The following NBEA variants were observed in gnomAD, a reference collection of about 807,000 sequenced individuals.
NBEA encodes the protein neurobeachin.
NBEA carries 44 observed loss-of-function variants against 343.4 expected under a neutral mutation model. The observed-to-expected ratio is 0.13, with a 90% CI of 0.10 to 0.16. The LOEUF (loss-of-function observed/expected upper bound fraction) is 0.16. Ranked by LOEUF, NBEA falls within the 10% of genes least tolerant of loss-of-function variation. The pLI is 1.00. For missense variants in NBEA, 2,555 were observed against 3,631.3 expected, an observed-to-expected ratio of 0.70 and a Z score of 7.62; for synonymous variants, 1,175 against 1,238.7, an observed-to-expected ratio of 0.95 and a Z score of 1.08.
At chr13:35,233,276 G>A (rs1014246389) in intron 34 of NBEA, among the ~76,000 whole-genome samples, 1 of 152,118 alleles carries the variant, frequency 6.6e-6, no homozygotes, top group Admixed American at 6.5e-5. Context: ...TTTAGATGCT[G>A]TTTCAGGTAG....
At chr13:35,368,063 G>A (rs2152880587) in intron 38 of NBEA, among the ~76,000 whole-genome samples, 1 of 151,564 alleles carries the variant, frequency 6.6e-6, no homozygotes, top group Non-Finnish European at 1.5e-5. Context: ...AATGCTTCCA[G>A]GGGCACTTAA....
chr13:35,243,553 A>C (rs1035359488), intron 34 of NBEA, among the ~76,000 whole-genome samples: 1 of 151,932 alleles, frequency 6.6e-6, no homozygotes, highest in Non-Finnish European at 1.5e-5. Context: ...ATAGAAGTTT[A>C]AAGTGAAAGA....
At chr13:35,329,168 G>T (rs2152846609) in intron 36 of NBEA, among the ~76,000 whole-genome samples, 1 of 152,022 alleles carries the variant, frequency 6.6e-6, no homozygotes, top group African/African-American at 2.4e-5. Context: ...TTGCTGTAAT[G>T]GGAATAAATA....
intron 38 of NBEA, among the ~76,000 whole-genome samples, chr13:35,394,255 A>G (rs778139005): frequency 2.0e-5 from 3 of 152,142 alleles, no homozygotes; most frequent in Non-Finnish European, 4.4e-5. Flanking sequence ...ACGTTTATGT[A>G]TTTCTTTACC....
At chr13:35,296,462 G>GA (rs1021028755) in intron 35 of NBEA, among the ~76,000 whole-genome samples, 2 of 151,700 alleles carry the variant, frequency 1.3e-5, no homozygotes, top group Admixed American at 6.6e-5. Context: ...AAAATTGAGG[G>GA]AAAAAAGAAA....
intron 38 of NBEA, among the ~76,000 whole-genome samples, chr13:35,357,681 T>C (rs533014879): frequency 3.1e-4 from 47 of 152,332 alleles, no homozygotes; most frequent in South Asian, 6.2e-4. Flanking sequence ...TACCATATTT[T>C]CTTTATAGAG....
At chr13:34,960,942 C>T (rs2059641930) in intron 1 of NBEA, among the ~76,000 whole-genome samples, 2 of 152,058 alleles carry the variant, frequency 1.3e-5, no homozygotes, top group Admixed American at 6.6e-5. Flanking sequence ...TACTGTATGA[C>T]AAACTGTCAC....
intron 1 of NBEA, among the ~76,000 whole-genome samples, chr13:34,998,156 A>G (rs2061000716): frequency 1.3e-5 from 2 of 152,206 alleles, no homozygotes; most frequent in Admixed American, 6.5e-5. Context: ...AGGTTCCATG[A>G]TGTGCCCCCA....
At chr13:35,425,113 A>G (rs999684307) in intron 38 of NBEA, among the ~76,000 whole-genome samples, 3 of 151,908 alleles carry the variant, frequency 2.0e-5, no homozygotes, top group Admixed American at 6.6e-5. Flanking sequence ...TGGATTCATT[A>G]ATTTTTTGAA....
chr13:35,640,478 C>T (rs554433500), intron 49 of NBEA, among the ~76,000 whole-genome samples: 149 of 152,302 alleles, frequency 9.8e-4, no homozygotes, highest in South Asian at 1.2e-3. Flanking sequence ...TTGTACAGGG[C>T]ATAAACAGCA....
rs151315009 is a variant in NBEA at position 35,033,944 on chromosome 13, C to T, written c.295-6989C>T. On this transcript the variant is annotated intron_variant, in intron 1 of 58. Transcript: ENST00000379939. ...TTTTCAGGTATAAGATTCTATCATC[C>T]GCAAACAAGGATAATTTGACTTCTT... Among the ~76,000 whole-genome samples the T allele has an allele frequency of 5.0e-3, 758 of 151,434 alleles. 7 individuals are homozygous for T. Among genetic ancestry groups the T allele is most frequent in the African/African-American group, 0.017 (706 of 41,436 alleles).
intron 49 of NBEA, among the ~76,000 whole-genome samples, chr13:35,644,607 A>G (rs948997545): frequency 7.2e-5 from 11 of 152,132 alleles, no homozygotes; most frequent in Admixed American, 3.9e-4. Context: ...TAAAAACAGG[A>G]GTAGTAGTAT....
At chr13:34,988,539 G>C (rs961937713) in intron 1 of NBEA, among the ~76,000 whole-genome samples, 1 of 151,018 alleles carries the variant, frequency 6.6e-6, no homozygotes, top group Admixed American at 6.6e-5. Context: ...CTGCCTCACA[G>C]GTCGATATCA....
intron 1 of NBEA, among the ~76,000 whole-genome samples, chr13:34,951,376 G>C (rs1453362515): frequency 6.6e-6 from 1 of 152,180 alleles, no homozygotes; most frequent in Non-Finnish European, 1.5e-5. Context: ...GATTAAATGG[G>C]TTAATATATG....
intron 58 of NBEA, among the ~76,000 whole-genome samples, chr13:35,669,314 A>G (rs1422246628): frequency 3.3e-5 from 5 of 152,212 alleles, no homozygotes; most frequent in Non-Finnish European, 7.4e-5. Flanking sequence ...AATTTTTGCT[A>G]TTTAACAGAA....
At chr13:35,639,182 C>A (rs1366646326) in intron 49 of NBEA, among the ~76,000 whole-genome samples, 2 of 152,114 alleles carry the variant, frequency 1.3e-5, no homozygotes, top group Admixed American at 6.6e-5. Context: ...TATTTATTCT[C>A]CTATTTTGTG....
intron 47 of NBEA, among the ~76,000 whole-genome samples, chr13:35,596,355 A>C (rs1415973434): frequency 6.6e-6 from 1 of 152,150 alleles, no homozygotes; most frequent in Non-Finnish European, 1.5e-5. Context: ...TCTTATTTCT[A>C]AGCTGTTAAA....
chr13:35,442,063 T>A (rs1366426084), intron 39 of NBEA, among the ~76,000 whole-genome samples: 1 of 152,118 alleles, frequency 6.6e-6, no homozygotes, highest in Non-Finnish European at 1.5e-5. Context: ...TTCCTTGCTT[T>A]CTTTCAGAAA....
chr13:35,411,236 A>G (rs1157400571), intron 38 of NBEA, among the ~76,000 whole-genome samples: 2 of 152,188 alleles, frequency 1.3e-5, no homozygotes, highest in Non-Finnish European at 2.9e-5. Flanking sequence ...TGCAGCCAAT[A>G]TGGGTGCATT....
Sources: allele counts gnomAD v4.1 joint callset (sites outside exome capture counted in the v4.1 genomes callset), GRCh38; gene constraint gnomAD v4.1.1; transcripts MANE v1.5; gene names NCBI Gene and HGNC (gene_info 2026-07-23, HGNC 2026-07-21).